The following SLAIN1 variants were observed in gnomAD, a reference collection of about 807,000 sequenced individuals.
The protein encoded by SLAIN1 is SLAIN family member 1.
In SLAIN1, 17 loss-of-function variants were observed where a neutral mutation model predicts 55.4. The ratio of observed to expected loss-of-function variants is 0.31; its 90% CI spans 0.21 to 0.46. The LOEUF (loss-of-function observed/expected upper bound fraction) is 0.46, where lower values mean the gene tolerates loss of function less well. Among genes scored for constraint, SLAIN1 ranks in the 20% least tolerant of loss-of-function variants. The pLI, the probability that SLAIN1 is intolerant of heterozygous loss-of-function variation, is 1.00. For missense variants in SLAIN1, 682 were observed against 785.1 expected (o/e 0.87, Z 1.57); for synonymous variants, 348 against 337.4 (o/e 1.03, Z -0.35).
chr13:77,699,027 C>A (rs1036124630), intron 1 of SLAIN1: 42 of 1,535,270 alleles, frequency 2.7e-5, no homozygotes, highest in Non-Finnish European at 3.5e-5. Flanking sequence ...CATCGGAAGC[C>A]GCGCAGTGAT....
chr13:77,733,311 A>G (rs1441853028), intron 2 of SLAIN1, among the ~76,000 whole-genome samples: 1 of 152,162 alleles, frequency 6.6e-6, no homozygotes, highest in East Asian at 1.9e-4. Context: ...TTAACTCTGC[A>G]TATTAATTAC....
chr13:77,717,246 T>C (rs1283836965), intron 1 of SLAIN1, among the ~76,000 whole-genome samples: 1 of 152,182 alleles, frequency 6.6e-6, no homozygotes, highest in Non-Finnish European at 1.5e-5. Flanking sequence ...TTAGACTTTT[T>C]ACATCTGTGT....
intron 1 of SLAIN1, among the ~76,000 whole-genome samples, chr13:77,706,117 T>C (rs761841889): frequency 6.6e-6 from 1 of 152,160 alleles, no homozygotes; most frequent in Non-Finnish European, 1.5e-5. Context: ...CTTTATACTC[T>C]ACTAGCTGTT....
At chr13:77,737,187 T>C (rs1873163174) in intron 2 of SLAIN1, among the ~76,000 whole-genome samples, 2 of 152,114 alleles carry the variant, frequency 1.3e-5, no homozygotes, top group Non-Finnish European at 2.9e-5. Context: ...GTCTCTTTTT[T>C]TCCCACTCCC....
chr13:77,762,000 C>A (rs1417018732), intron 6 of SLAIN1, among the ~76,000 whole-genome samples: 1 of 152,072 alleles, frequency 6.6e-6, no homozygotes, highest in African/African-American at 2.4e-5. Flanking sequence ...TGTCTTTATG[C>A]ATTTATGGAT....
intron 5 of SLAIN1, among the ~76,000 whole-genome samples, chr13:77,755,330 G>GA (rs368459258): frequency 3.2e-3 from 445 of 140,946 alleles, no homozygotes; most frequent in Middle Eastern, 7.3e-3. Context: ...CTTGAAAAAA[G>GA]AAAAAAAAAA....
chr13:77,733,630 C>G (rs1334318843), intron 2 of SLAIN1, among the ~76,000 whole-genome samples: 1 of 152,166 alleles, frequency 6.6e-6, no homozygotes, highest in Non-Finnish European at 1.5e-5. Flanking sequence ...ATTGAATCGT[C>G]CCTAAGACTA....
At chr13:77,750,322 G>T (rs1055270486) in intron 4 of SLAIN1, among the ~76,000 whole-genome samples, 3 of 152,070 alleles carry the variant, frequency 2.0e-5, no homozygotes, top group East Asian at 3.9e-4. Context: ...ATTTTAAAAA[G>T]AAATATAGAA....
intron 2 of SLAIN1, among the ~76,000 whole-genome samples, chr13:77,720,515 T>C (rs962547802): frequency 1.3e-5 from 2 of 152,200 alleles, no homozygotes; most frequent in South Asian, 4.1e-4. Context: ...TGAAGCTCTT[T>C]GAGGATAATG....
chr13:77,716,975 A>G (rs527557026), intron 1 of SLAIN1, among the ~76,000 whole-genome samples: 1 of 152,184 alleles, frequency 6.6e-6, no homozygotes, highest in Non-Finnish European at 1.5e-5. Flanking sequence ...GCCTTTTACC[A>G]TTAACTATGC....
intron 1 of SLAIN1, among the ~76,000 whole-genome samples, chr13:77,702,148 T>C (rs2091037897): frequency 6.6e-6 from 1 of 151,602 alleles, no homozygotes; most frequent in South Asian, 2.1e-4. Context: ...GTGCCACATT[T>C]TCTTAATCCA....
intron 5 of SLAIN1, among the ~76,000 whole-genome samples, 198 bp from the exon 6 acceptor site, chr13:77,760,630 C>T (rs539871122): frequency 5.1e-4 from 77 of 152,316 alleles, no homozygotes; most frequent in African/African-American, 1.7e-3. Flanking sequence ...CAAAATGTGG[C>T]TGATGGACAG....
At position 77,746,802 on chromosome 13, in the gene SLAIN1, A is replaced by G; in HGVS notation, c.1205A>G (p.Tyr402Cys). 6.2e-7 allele frequency: 1 copy of G among 1,613,808 alleles called. No homozygotes were observed. Among genetic ancestry groups the G allele is most frequent in the Non-Finnish European group, 8.5e-7 (1 of 1,179,796 alleles). The change falls in exon 4 of 7, where the codon TAT (tyrosine) becomes TGT (cysteine). Residue 402 changes from tyrosine to cysteine, a missense_variant. Around this residue, in one of 3 missense-constraint regions of SLAIN1, gnomAD observed 244 missense variants for 295.2 expected, o/e 0.83. Coordinates refer to ENST00000418532, the MANE Select transcript of SLAIN1 (RefSeq NM_001242868.2). ...FPSNNYQQQQ[Y>C]YSPQAQTPDQ... ...TCAAATAATTACCAGCAGCAACAGT[A>G]TTATTCACCTCAAGCCCAAACTCCA... is the stretch of plus-strand genomic sequence containing the variant.
chr13:77,744,500 C>A, intron 3 of SLAIN1, 68 bp downstream of exon 3: 5 of 1,599,082 alleles, frequency 3.1e-6, no homozygotes, highest in Non-Finnish European at 4.2e-6. Flanking sequence ...GGGGGAGGTT[C>A]AGGCATTTCT....
At chr13:77,753,679 G>C (rs867634082) in intron 5 of SLAIN1, among the ~76,000 whole-genome samples, 32 of 152,058 alleles carry the variant, frequency 2.1e-4, no homozygotes, top group African/African-American at 6.8e-4. Context: ...TATATCCTAG[G>C]ATAGTAGAAG....
chr13:77,750,446 G>T (rs953524002), intron 4 of SLAIN1, among the ~76,000 whole-genome samples: 1 of 152,074 alleles, frequency 6.6e-6, no homozygotes, highest in Non-Finnish European at 1.5e-5. Flanking sequence ...GATAGAGGCT[G>T]TCTTTTTTAC....
At chr13:77,742,930 T>G (rs955901145) in intron 2 of SLAIN1, 10 of 860,820 alleles carry the variant, frequency 1.2e-5, no homozygotes, top group Non-Finnish European at 1.5e-5. Context: ...TTTTTTTTTT[T>G]TTTTATTCTC....
Position 77,761,044 on chromosome 13 carries a change from C to G in SLAIN1, c.1631C>G (p.Pro544Arg). The change falls in exon 6 of 7, where the codon CCA (proline) becomes CGA (arginine). Residue 544 changes from proline (P) to arginine (R), a missense_variant. Around this residue, in one of 3 missense-constraint regions of SLAIN1, gnomAD observed 244 missense variants for 295.2 expected, o/e 0.83. Coordinates refer to ENST00000418532, the MANE Select transcript of SLAIN1 (RefSeq NM_001242868.2). ...ASGIMGRSAL[P>R]RPSLAINGSN... ...GGGATAATGGGTCGCAGTGCACTCC[C>G]AAGACCTTCGTTGGCAATAAATGGG... The G allele has an allele frequency of 6.2e-7, 1 of 1,614,184 alleles. No homozygotes were observed. Among genetic ancestry groups the G allele is most frequent in the Non-Finnish European group, 8.5e-7 (1 of 1,180,016 alleles).
chr13:77,751,885 T>A (rs1874238851), intron 4 of SLAIN1, among the ~76,000 whole-genome samples: 1 of 152,218 alleles, frequency 6.6e-6, no homozygotes, highest in South Asian at 2.1e-4. Flanking sequence ...ATGCTTTTTT[T>A]TTCAGTTTAA....
Sources: allele counts gnomAD v4.1 joint callset (sites outside exome capture counted in the v4.1 genomes callset), GRCh38; gene constraint gnomAD v4.1.1; regional missense constraint gnomAD v4.1.1; transcripts MANE v1.5; gene names NCBI Gene and HGNC (gene_info 2026-07-23, HGNC 2026-07-21).